Variants in MCTP1 observed in about 807,000 individuals in gnomAD.
MCTP1 encodes the protein multiple C2 and transmembrane domain-containing protein 1.
In MCTP1, 69 loss-of-function variants were observed where a neutral mutation model predicts 120.6. The ratio of observed to expected loss-of-function variants is 0.57; its 90% CI spans 0.47 to 0.70. MCTP1 has a LOEUF of 0.70. Among genes scored for constraint, MCTP1 ranks in the 30% least tolerant of loss-of-function variants. The probability of loss-of-function intolerance (pLI) is 0.00; values close to 1 mark genes in which losing one functional copy is unlikely to be tolerated. For missense variants in MCTP1, 1,203 were observed against 1,248.8 expected (o/e 0.96, Z 0.55); for synonymous variants, 529 against 493.1 (o/e 1.07, Z -0.96).
chr5:95,102,542 T>G (rs1756812275), intron 1 of MCTP1, among the ~76,000 whole-genome samples: 1 of 152,190 alleles, frequency 6.6e-6, no homozygotes, highest in African/African-American at 2.4e-5. Flanking sequence ...CGTCGGAAGT[T>G]GGAATTGAGG....
chr5:94,948,194 A>G (rs1304984092), intron 3 of MCTP1, among the ~76,000 whole-genome samples: 1 of 152,196 alleles, frequency 6.6e-6, no homozygotes, highest in Non-Finnish European at 1.5e-5. Flanking sequence ...CTTAACTGCT[A>G]GGTGGACATA....
chr5:94,858,429 G>A (rs1362963594), intron 17 of MCTP1, among the ~76,000 whole-genome samples: 1 of 151,426 alleles, frequency 6.6e-6, no homozygotes, highest in Non-Finnish European at 1.5e-5. Context: ...CACTAAGCAG[G>A]GTGCATACAG....
chr5:94,829,489 A>T (rs868142248), intron 17 of MCTP1, among the ~76,000 whole-genome samples: 4 of 152,244 alleles, frequency 2.6e-5, no homozygotes, highest in Middle Eastern at 3.4e-3. Flanking sequence ...ACCTAATAAG[A>T]TGCTCACGAT....
At chr5:94,928,995 A>C (rs889602615) in intron 6 of MCTP1, among the ~76,000 whole-genome samples, 1 of 152,214 alleles carries the variant, frequency 6.6e-6, no homozygotes, top group Non-Finnish European at 1.5e-5. Flanking sequence ...TATTATTAGC[A>C]GAAGTATGGT....
chr5:95,256,984 T>G (rs1474185579), intron 1 of MCTP1, among the ~76,000 whole-genome samples: 1 of 152,222 alleles, frequency 6.6e-6, no homozygotes, highest in African/African-American at 2.4e-5. Context: ...AAATACATAT[T>G]TAACTTTTTT....
intron 1 of MCTP1, among the ~76,000 whole-genome samples, chr5:95,084,534 G>A (rs1018318944): frequency 6.7e-6 from 1 of 149,392 alleles, no homozygotes; most frequent in Non-Finnish European, 1.5e-5. Flanking sequence ...AGGTCTTTGG[G>A]TGTTTTTTTT....
chr5:94,775,319 C>G (rs1324409624), intron 19 of MCTP1, among the ~76,000 whole-genome samples: 1 of 152,092 alleles, frequency 6.6e-6, no homozygotes, highest in Non-Finnish European at 1.5e-5. Context: ...GTAGGATGCA[C>G]CATGGGAAGC....
chr5:94,907,336 C>A (rs1231350625), intron 10 of MCTP1, among the ~76,000 whole-genome samples: 1 of 152,140 alleles, frequency 6.6e-6, no homozygotes, highest in Non-Finnish European at 1.5e-5. Flanking sequence ...TTCAGTATCT[C>A]AAAATCTAAC....
intron 1 of MCTP1, among the ~76,000 whole-genome samples, chr5:95,178,880 A>G (rs1448743460): frequency 6.6e-6 from 1 of 152,228 alleles, no homozygotes; most frequent in Non-Finnish European, 1.5e-5. Flanking sequence ...AAGCTAATCA[A>G]GGAGGCACTA....
intron 1 of MCTP1, among the ~76,000 whole-genome samples, chr5:95,019,858 AG>A (rs1276835836): frequency 6.6e-6 from 1 of 152,100 alleles, no homozygotes. Flanking sequence ...CAACTTGGAA[AG>A]AAAGGAAGCC....
At chr5:95,087,405 G>A (rs528093082) in intron 1 of MCTP1, among the ~76,000 whole-genome samples, 1 of 152,232 alleles carries the variant, frequency 6.6e-6, no homozygotes, top group South Asian at 2.1e-4. Context: ...TCAGCGTCTT[G>A]GACCTGGCAG....
chr5:95,152,730 G>A (rs1744673504), intron 1 of MCTP1, among the ~76,000 whole-genome samples: 1 of 152,136 alleles, frequency 6.6e-6, no homozygotes, highest in Non-Finnish European at 1.5e-5. Context: ...GTTTGCTGAA[G>A]GGGAATAAAT....
At chr5:95,142,098 G>T (rs1759978868) in intron 1 of MCTP1, among the ~76,000 whole-genome samples, 1 of 152,096 alleles carries the variant, frequency 6.6e-6, no homozygotes, top group Admixed American at 6.5e-5. Context: ...CTTGACATAA[G>T]AATTTTCCCC....
chr5:94,774,246 A>AAAAG (rs1289288031), intron 19 of MCTP1, among the ~76,000 whole-genome samples: 1 of 149,948 alleles, frequency 6.7e-6, no homozygotes, highest in Non-Finnish European at 1.5e-5. Context: ...AAAAAAAAAA[A>AAAAG]AAAGAAATAG....
intron 1 of MCTP1, among the ~76,000 whole-genome samples, chr5:95,095,504 A>G (rs1462838088): frequency 1.3e-5 from 2 of 152,194 alleles, no homozygotes; most frequent in Admixed American, 6.5e-5. Context: ...GCAGGGTCAG[A>G]AGTCAATAGG....
intron 2 of MCTP1, among the ~76,000 whole-genome samples, chr5:94,996,487 G>A (rs909546228): frequency 6.6e-6 from 1 of 152,066 alleles, no homozygotes; most frequent in Non-Finnish European, 1.5e-5. Flanking sequence ...CAAAATACAT[G>A]GATGCCCAAG....
chr5:94,889,081 G>A (rs998938585), intron 11 of MCTP1, 109 bp from the exon 12 acceptor site: 1 of 686,962 alleles, frequency 1.5e-6, no homozygotes, highest in African/African-American at 1.8e-5. Flanking sequence ...CTGGGGGTAA[G>A]AAGATCAACA....
intron 1 of MCTP1, among the ~76,000 whole-genome samples, chr5:95,209,791 T>A (rs910894579): frequency 1.3e-5 from 2 of 152,210 alleles, no homozygotes; most frequent in Non-Finnish European, 2.9e-5. Context: ...TCTTTCCTGC[T>A]TTCTCTTGTG....
chr5:94,747,077 T>A (rs1400986749), intron 19 of MCTP1, among the ~76,000 whole-genome samples: 1 of 152,220 alleles, frequency 6.6e-6, no homozygotes, highest in Non-Finnish European at 1.5e-5. Context: ...GAGATACAGT[T>A]TGCCTTTATC....
Sources: allele counts gnomAD v4.1 joint callset (sites outside exome capture counted in the v4.1 genomes callset), GRCh38; gene constraint gnomAD v4.1.1; transcripts MANE v1.5; gene names NCBI Gene and HGNC (gene_info 2026-07-23, HGNC 2026-07-21).